DHDDS: variants seen among roughly 807,000 people sequenced by gnomAD.
DHDDS encodes the protein dehydrodolichyl diphosphate synthase complex subunit DHDDS.
DHDDS carries 16 observed loss-of-function variants against 46.2 expected under a neutral mutation model. The ratio of observed to expected loss-of-function variants is 0.35; its 90% CI spans 0.23 to 0.53. The LOEUF is 0.53. DHDDS is among the 20% of genes least tolerant of loss of function. The pLI, the probability that DHDDS is intolerant of heterozygous loss-of-function variation, is 0.94. For synonymous variants in DHDDS, 151 were observed against 163.1 expected, an observed-to-expected ratio of 0.93 and a Z score of 0.56; for missense variants, 340 against 423.7, an observed-to-expected ratio of 0.80 and a Z score of 1.73.
chr1:26,446,118 C>T (rs911765700), intron 4 of DHDDS, among the ~76,000 whole-genome samples, 198 bp from the exon 5 acceptor site: 1 of 152,226 alleles, frequency 6.6e-6, no homozygotes, highest in Non-Finnish European at 1.5e-5. Context: ...CCCTATCTGA[C>T]TGTCCTGTCT....
chr1:26,451,631 C>CTTTTT (rs201092863), intron 6 of DHDDS, among the ~76,000 whole-genome samples: 1 of 129,980 alleles, frequency 7.7e-6, no homozygotes, highest in African/African-American at 2.8e-5. Flanking sequence ...ATTTTTTTTT[C>CTTTTT]TTTTTTTTTT....
At chr1:26,454,520 C>T in intron 6 of DHDDS, 1 of 560,762 alleles carries the variant, frequency 1.8e-6, no homozygotes. Flanking sequence ...CCAAAGTGCA[C>T]TCAAATCTAT....
chr1:26,465,430 G>A (rs537980646), intron 8 of DHDDS, among the ~76,000 whole-genome samples: 87 of 152,270 alleles, frequency 5.7e-4, no homozygotes, highest in Non-Finnish European at 9.6e-4. Flanking sequence ...GGGCTCAAGC[G>A]AGCCTCCCAC....
Position 26,438,898 on chromosome 1 carries a change from C to T in DHDDS, c.180+614C>T, listed in dbSNP as rs7525898. Among the ~76,000 whole-genome samples the T allele has an allele frequency of 8.9e-4, 135 of 152,260 alleles. 1 individual carries two copies. The highest frequency in any genetic ancestry group is 3.1e-3 in the African/African-American group (129 of 41,544). On this transcript the variant is annotated intron_variant, in intron 3 of 8. Coordinates refer to ENST00000236342, the MANE Select transcript of DHDDS (RefSeq NM_205861.3). ...TGACTTAACATTAATAAAATTGCATCTGTAGCTTCAGTAACCTTATTTTCA... is the reference window on the plus strand; with the variant it reads ...TGACTTAACATTAATAAAATTGCATTTGTAGCTTCAGTAACCTTATTTTCA...
At chr1:26,460,545 G>A (rs2075412186) in intron 8 of DHDDS, among the ~76,000 whole-genome samples, 2 of 152,286 alleles carry the variant, frequency 1.3e-5, no homozygotes, top group East Asian at 3.9e-4. Flanking sequence ...ATAAAAGATC[G>A]TAGCAGTAGG....
chr1:26,432,727 A>C, intron 1 of DHDDS, 164 bp from the exon 2 acceptor site: 1 of 587,276 alleles, frequency 1.7e-6, no homozygotes, highest in Non-Finnish European at 3.0e-6. Flanking sequence ...TCCAGAGGTC[A>C]CATTGCGTTA....
intron 6 of DHDDS, among the ~76,000 whole-genome samples, chr1:26,457,227 G>C (rs570183680): frequency 6.7e-6 from 1 of 149,306 alleles, no homozygotes; most frequent in African/African-American, 2.5e-5. Context: ...CAGAGGCCGA[G>C]GGGGGGGCGG....
chr1:26,454,815 T>A, intron 6 of DHDDS: 1 of 1,580,560 alleles, frequency 6.3e-7, no homozygotes, highest in Admixed American at 1.7e-5. Flanking sequence ...CAGCGGCACA[T>A]CTTAGGTGCT....
Position 26,438,229 on chromosome 1 carries a change from A to G in DHDDS, c.125A>G (p.Lys42Arg). 1 of 1,614,126 alleles carries G rather than the reference A, an allele frequency of 6.2e-7. No homozygotes were observed. The highest frequency in any genetic ancestry group is 8.5e-7 in the Non-Finnish European group (1 of 1,179,950). ...IMDGNRRYAK[K>R]CQVERQEGHS... ...GACGGGAACCGTCGCTATGCCAAGA[A>G]GTGCCAGGTGGAGCGGCAGGAAGGC... The change falls in exon 3 of 9, where the codon AAG (lysine) becomes AGG (arginine). Residue 42 changes from lysine to arginine, a missense_variant. By Grantham distance (26) the Lys-to-Arg change is conservative (BLOSUM62 2). Around this residue, in one of 2 missense-constraint regions of DHDDS, gnomAD observed 72 missense variants for 123.5 expected, o/e 0.58. Coordinates refer to ENST00000236342, the MANE Select transcript of DHDDS (RefSeq NM_205861.3).
chr1:26,451,416 G>A (rs1455958548), intron 6 of DHDDS, among the ~76,000 whole-genome samples: 2 of 89,986 alleles, frequency 2.2e-5, no homozygotes, highest in African/African-American at 7.4e-5. Flanking sequence ...GTGTGTGTGT[G>A]TGTGTGTGTG....
rs1428225691 is a variant in DHDDS at position 26,469,345 on chromosome 1, G to C, written c.*214G>C. ...AGGATTGAGGGTGAAAGTCTCCCACGAGTACACTAAACCTAGGTCTGGTCA... is the reference window on the plus strand; with the variant it reads ...AGGATTGAGGGTGAAAGTCTCCCACCAGTACACTAAACCTAGGTCTGGTCA... On this transcript the variant is annotated 3_prime_UTR_variant, in exon 9 of 9. Coordinates refer to ENST00000236342, the MANE Select transcript of DHDDS (RefSeq NM_205861.3). 1 of 829,818 alleles carries C rather than the reference G, an allele frequency of 1.2e-6. No individual in the cohort carries two copies. Among genetic ancestry groups the C allele is most frequent in the Non-Finnish European group, 1.9e-6 (1 of 530,320 alleles). 51.4% of individuals were successfully genotyped at this position (829,818 alleles called of 1,614,324 possible).
rs2075117691 is a variant in DHDDS at position 26,432,877 on chromosome 1, C to T, written c.-55-14C>T. The stretch of plus-strand genomic sequence containing the variant: ...ACCTTGGTGACTTCTTATTTTCTTT[C>T]TTGTTTATCCAAGATTACCTGGCTG... On this transcript the variant is annotated splice_polypyrimidine_tract_variant and intron_variant, in intron 1 of 8. Transcript: ENST00000236342. 5 of 1,563,596 alleles carry T rather than the reference C, an allele frequency of 3.2e-6. No homozygotes were observed. Among genetic ancestry groups the T allele is most frequent in the Admixed American group, 1.7e-5 (1 of 59,800 alleles).
chr1:26,445,518 C>A (rs902674334), intron 4 of DHDDS, among the ~76,000 whole-genome samples: 1 of 151,930 alleles, frequency 6.6e-6, no homozygotes, highest in East Asian at 1.9e-4. Context: ...TTTGAGACCA[C>A]CTTGGGCAAC....
At chr1:26,442,956 T>C in intron 4 of DHDDS, 83 bp downstream of exon 4, 1 of 1,606,446 alleles carries the variant, frequency 6.2e-7, no homozygotes, top group Non-Finnish European at 8.5e-7. Flanking sequence ...TATCTGAGGC[T>C]TACTTAAGGG....
rs951117590 is a variant in DHDDS at position 26,432,362 on chromosome 1, A to G, written c.-70A>G. On this transcript the variant is annotated 5_prime_UTR_variant, in exon 1 of 9. Transcript: ENST00000236342. Reference sequence around the variant, plus strand: ...CCACTGAAGCCGTGGGGACGCGCCCAGCGGAGCTAATCAGGTGCCACTGAA... The same window carrying G: ...CCACTGAAGCCGTGGGGACGCGCCCGGCGGAGCTAATCAGGTGCCACTGAA... 2.6e-5 allele frequency: 4 copies of G among 153,520 alleles called. No homozygotes were observed. Among genetic ancestry groups the G allele is most frequent in the African/African-American group, 9.6e-5 (4 of 41,472 alleles). 9.5% of individuals were successfully genotyped at this position (153,520 alleles called of 1,614,324 possible).
chr1:26,436,613 C>CG (rs1307550295), intron 2 of DHDDS, among the ~76,000 whole-genome samples: 4 of 151,498 alleles, frequency 2.6e-5, no homozygotes, highest in Non-Finnish European at 4.4e-5. Flanking sequence ...TTAGTAGAGA[C>CG]GGGGTTTCAC....
intron 6 of DHDDS, among the ~76,000 whole-genome samples, chr1:26,450,171 A>T (rs1371991088): frequency 1.2e-4 from 19 of 152,090 alleles, no homozygotes; most frequent in Non-Finnish European, 2.4e-4. Context: ...GTATTTATCT[A>T]TTTAGAGATG....
At position 26,438,361 on chromosome 1, in the gene DHDDS, T is replaced by C; in HGVS notation, c.180+77T>C. The C allele has an allele frequency of 4.5e-6, 6 of 1,320,010 alleles. No homozygotes were observed. In the Admixed American group the frequency reaches 5.1e-5, roughly 11 times the overall value. 81.8% of individuals were successfully genotyped at this position (1,320,010 alleles called of 1,614,324 possible). On this transcript the variant is annotated intron_variant, in intron 3 of 8. Transcript: ENST00000236342. ...ATAGCTAGAAAACCAGGCTCTGAGT[T>C]TGCTGTGGTTGGAGAGTGTTTTTTG... is the stretch of plus-strand genomic sequence containing the variant.
intron 8 of DHDDS, chr1:26,463,499 A>G (rs1283246389): frequency 6.6e-6 from 1 of 152,240 alleles, no homozygotes; most frequent in African/African-American, 2.4e-5. Flanking sequence ...TAATGTAATT[A>G]TGAAACTCTT....
Sources: gnomAD v4.1 joint callset for allele counts (sites outside exome capture counted in the v4.1 genomes callset) on GRCh38, gnomAD v4.1.1 for gene constraint, gnomAD v4.1.1 regional missense constraint, MANE v1.5 for transcripts, NCBI Gene and HGNC (gene_info 2026-07-23, HGNC 2026-07-21) for gene names.